PDGFRA: variants seen among roughly 807,000 people sequenced by gnomAD.
PDGFRA encodes the protein platelet derived growth factor receptor alpha.
A neutral mutation model predicts 121.5 loss-of-function variants in PDGFRA; 25 were observed. That is an observed-to-expected ratio of 0.21 (90% confidence interval 0.15 to 0.29). PDGFRA has a LOEUF of 0.29. Ranked by LOEUF, PDGFRA falls within the 10% of genes least tolerant of loss-of-function variation. PDGFRA has a pLI of 1.00. For synonymous variants in PDGFRA, 463 were observed against 494.8 expected (o/e 0.94, Z 0.85); for missense variants, 1,008 against 1,345.1 (o/e 0.75, Z 3.92).
chr4:54,290,584 C>T (rs1482733104), intron 22 of PDGFRA, 30 bp downstream of exon 22: 1 of 1,613,366 alleles, frequency 6.2e-7, no homozygotes, highest in East Asian at 2.2e-5. Context: ...CGGTGTCTCA[C>T]CTTTCCCCTC....
intron 1 of PDGFRA, chr4:54,230,030 C>G (rs1720575336): frequency 6.6e-6 from 1 of 152,338 alleles, no homozygotes. Flanking sequence ...GGCTGGAGAC[C>G]GGACCTCGGT....
intron 15 of PDGFRA, 150 bp downstream of exon 15, chr4:54,278,665 G>C (rs1723896354): frequency 6.7e-6 from 5 of 748,612 alleles, no homozygotes; most frequent in Non-Finnish European, 9.2e-6. Context: ...TCTTTCCATG[G>C]TCATGCAGAG....
intron 3 of PDGFRA, among the ~76,000 whole-genome samples, chr4:54,262,868 T>G (rs994417811): frequency 5.3e-5 from 8 of 152,306 alleles, no homozygotes; most frequent in Admixed American, 5.2e-4. Context: ...CGTGTAAGAT[T>G]GTCCAAAAAT....
rs183822433 is a variant in PDGFRA, at chr4:54,251,866, C to G, written c.-12-6891C>G. 2.4e-4 allele frequency among the ~76,000 whole-genome samples: 36 copies of G among 152,298 alleles called. No homozygotes were observed. In the South Asian group the frequency reaches 6.6e-3, roughly 28 times the overall value. On this transcript the variant is annotated intron_variant, in intron 1 of 22. Transcript: ENST00000257290. ...AAATTTCCATCGAAACCAATTTTAA[C>G]AAGAGCCTATGTGGCAAATAATTAT...
intron 1 of PDGFRA, chr4:54,240,008 G>A (rs765024933): frequency 1.2e-4 from 51 of 413,290 alleles, no homozygotes; most frequent in Middle Eastern, 9.9e-4. Flanking sequence ...GCACCACCAC[G>A]CCTGGCTAAA....
chr4:54,282,866 C>T (rs139384917), intron 16 of PDGFRA, among the ~76,000 whole-genome samples: 2 of 152,294 alleles, frequency 1.3e-5, no homozygotes, highest in East Asian at 3.9e-4. Flanking sequence ...AGGGAGAAAT[C>T]GGCCAAAAGA....
intron 1 of PDGFRA, among the ~76,000 whole-genome samples, chr4:54,235,627 AGTGGACTGCTGGT>A (rs1288546691): frequency 6.6e-6 from 1 of 152,156 alleles, no homozygotes; most frequent in East Asian, 1.9e-4. Flanking sequence ...GGGTCATGGG[AGTGGACTGCTGGT>A]GTGGGCTGAA....
intron 15 of PDGFRA, 128 bp downstream of exon 15, chr4:54,278,643 C>T: frequency 1.2e-6 from 1 of 840,048 alleles, no homozygotes; most frequent in Non-Finnish European, 2.0e-6. Flanking sequence ...AGAGTCAAAC[C>T]ACCCTGTCCA....
At chr4:54,279,109 C>T in intron 15 of PDGFRA, 1 of 294,072 alleles carries the variant, frequency 3.4e-6, no homozygotes, top group Non-Finnish European at 6.9e-6. Context: ...GCTCAAGTTC[C>T]AACCAAGGCT....
At position 54,284,879 on chromosome 4, in the gene PDGFRA, C is replaced by CTTTTTTTTTTT. The variant is rs5858264; in HGVS notation, c.2324-480_2324-470dup. Among the ~76,000 whole-genome samples the CTTTTTTTTTTT allele has an allele frequency of 1.9e-3, 193 of 101,228 alleles. 18 individuals carry two copies. The highest frequency in any genetic ancestry group is 2.4e-3 in the Non-Finnish European group (129 of 54,196). 66.4% of individuals were successfully genotyped at this position (101,228 alleles called of 152,430 possible). A position where few individuals can be genotyped will look rare whatever the true frequency, so the allele number is the denominator to read the frequency against. ...CTTTCCTTTCTTTCATTCTTTCTAT[C>CTTTTTTTTTTT]TTTTTTTTTTTTTTTTTTTTTTGAG... On this transcript the variant is annotated intron_variant, in intron 16 of 22. Transcript: ENST00000257290.
rs192159089 is a variant in PDGFRA at position 54,297,372 on chromosome 4, A to G, written c.*2100A>G. On this transcript the variant is annotated 3_prime_UTR_variant, in exon 23 of 23. Coordinates refer to ENST00000257290, the MANE Select transcript of PDGFRA (RefSeq NM_006206.6). ...CCCAACTTTCTTATCCAACTTTTTC[A>G]TAGTAAGTGCGAAGACTGAGCCAGA... 141 of 233,740 alleles carry G rather than the reference A, an allele frequency of 6.0e-4. 1 individual carries two copies. The highest frequency in any genetic ancestry group is 2.9e-3 in the African/African-American group (132 of 45,476). 14.5% of individuals were successfully genotyped at this position (233,740 alleles called of 1,614,324 possible).
At position 54,261,147 on chromosome 4, in the gene PDGFRA, A is replaced by G; in HGVS notation, c.102A>G (p.Glu34=). ...QLSLPSILPN[E]NEKVVQLNSS... Reference sequence around the variant, plus strand: ...CATTACCCTCTATCCTTCCAAATGAAAATGAAAAGGTTGTGCAGCTGAATT... The same window carrying G: ...CATTACCCTCTATCCTTCCAAATGAGAATGAAAAGGTTGTGCAGCTGAATT... Residue 34 remains glutamate (E), a synonymous_variant, in exon 3 of 23, where the codon GAA becomes GAG. Coordinates refer to ENST00000257290, the MANE Select transcript of PDGFRA (RefSeq NM_006206.6). The G allele has an allele frequency of 6.2e-7, 1 of 1,614,216 alleles. No individual in the cohort carries two copies. Among genetic ancestry groups the G allele is most frequent in the Non-Finnish European group, 8.5e-7 (1 of 1,180,034 alleles).
Position 54,272,132 on chromosome 4 carries a change from G to A in PDGFRA, c.1238-262G>A, listed in dbSNP as rs1387021466. 4.0e-5 allele frequency among the ~76,000 whole-genome samples: 6 copies of A among 150,736 alleles called. No homozygotes were observed. In the East Asian group the frequency reaches 1.2e-3, roughly 29 times the overall value. ...AAGTAGCTGGGGCTACATGTGTGAG[G>A]CATCACAACCATGGACTTTTCACTT... On this transcript the variant is annotated intron_variant, in intron 8 of 22. Coordinates refer to ENST00000257290, the MANE Select transcript of PDGFRA (RefSeq NM_006206.6).
intron 1 of PDGFRA, among the ~76,000 whole-genome samples, chr4:54,237,695 C>A (rs777723973): frequency 3.2e-4 from 49 of 152,212 alleles, no homozygotes; most frequent in Non-Finnish European, 5.7e-4. Context: ...TCAGGATCCT[C>A]GGAGGCCATC....
intron 16 of PDGFRA, among the ~76,000 whole-genome samples, chr4:54,282,363 A>G (rs1372806105): frequency 1.3e-5 from 2 of 152,204 alleles, no homozygotes; most frequent in African/African-American, 2.4e-5. Flanking sequence ...GCAGAAGGCA[A>G]AGCAGTGCAG....
At chr4:54,283,732 C>T (rs1371502556) in intron 16 of PDGFRA, among the ~76,000 whole-genome samples, 2 of 152,210 alleles carry the variant, frequency 1.3e-5, no homozygotes, top group East Asian at 1.9e-4. Context: ...GGCCAAGCTA[C>T]AAATTTTCCA....
rs368648130 is a variant in PDGFRA at position 54,267,428 on chromosome 4, A to C, written c.899A>C (p.Lys300Thr). Reference protein sequence around the residue: ...CAARQATREVKEMKKVTISVH... With the variant: ...CAARQATREVTEMKKVTISVH... ...GCCCGCCAGGCTACCAGGGAGGTCAAAGAAATGAAGAAAGTCACTATTTCT... is the reference window on the plus strand; with the variant it reads ...GCCCGCCAGGCTACCAGGGAGGTCACAGAAATGAAGAAAGTCACTATTTCT... The change falls in exon 6 of 23, where the codon AAA (lysine) becomes ACA (threonine). Residue 300 changes from lysine to threonine, a missense_variant. By Grantham distance (78) the Lys-to-Thr change is moderately conservative. Around this residue, in one of 5 missense-constraint regions of PDGFRA, gnomAD observed 575 missense variants for 701.8 expected, o/e 0.82. Coordinates refer to ENST00000257290, the MANE Select transcript of PDGFRA (RefSeq NM_006206.6). 72 of 1,614,214 alleles carry C rather than the reference A, an allele frequency of 4.5e-5. No homozygotes were observed. The Middle Eastern group carries it at 4.9e-4, about 11-fold the overall frequency.
At chr4:54,269,825 A>G (rs1177128465) in intron 7 of PDGFRA, among the ~76,000 whole-genome samples, 8 of 141,916 alleles carry the variant, frequency 5.6e-5, no homozygotes, top group Non-Finnish European at 1.1e-4. Context: ...TTTTTTTTGT[A>G]TTTTTAGTAG....
At chr4:54,230,493 T>C (rs1720601074) in intron 1 of PDGFRA, 1 of 152,280 alleles carries the variant, frequency 6.6e-6, no homozygotes, top group Non-Finnish European at 1.5e-5. Context: ...CCGGGGGCTC[T>C]GCTTTCGCTC....
Sources: allele counts gnomAD v4.1 joint callset (sites outside exome capture counted in the v4.1 genomes callset), GRCh38; gene constraint gnomAD v4.1.1; regional missense constraint gnomAD v4.1.1; transcripts MANE v1.5; gene names NCBI Gene and HGNC (gene_info 2026-07-23, HGNC 2026-07-21).